The following NOS1AP variants were observed in gnomAD, a reference collection of about 807,000 sequenced individuals.
NOS1AP encodes the protein nitric oxide synthase 1 adaptor protein.
In NOS1AP, 21 loss-of-function variants were observed where a neutral mutation model predicts 56.2. The ratio of observed to expected loss-of-function variants is 0.37; its 90% CI spans 0.26 to 0.54. NOS1AP has a LOEUF of 0.54. NOS1AP is among the 20% of genes least tolerant of loss of function. The probability of loss-of-function intolerance (pLI) is 0.84; values close to 1 mark genes in which losing one functional copy is unlikely to be tolerated. For missense variants in NOS1AP, 522 were observed against 657.8 expected, an observed-to-expected ratio of 0.79 and a Z score of 2.26; for synonymous variants, 270 against 274.6, an observed-to-expected ratio of 0.98 and a Z score of 0.17.
chr1:162,207,586 T>G (rs564150090), intron 2 of NOS1AP, among the ~76,000 whole-genome samples: 2 of 152,376 alleles, frequency 1.3e-5, no homozygotes, highest in East Asian at 3.9e-4. Flanking sequence ...GCAAGTAAAG[T>G]TGTTAAGCAA....
At chr1:162,313,840 G>C (rs566700884) in intron 4 of NOS1AP, among the ~76,000 whole-genome samples, 1 of 152,268 alleles carries the variant, frequency 6.6e-6, no homozygotes, top group Admixed American at 6.5e-5. Flanking sequence ...TTTTACCTTT[G>C]TCCTTTCTGA....
Position 162,073,830 on chromosome 1 carries a change from G to A in NOS1AP, c.105+3548G>A, listed in dbSNP as rs540495648. Among the ~76,000 whole-genome samples, 43 of 152,274 alleles carry A rather than the reference G, an allele frequency of 2.8e-4. No homozygotes were observed. In the Middle Eastern group the frequency reaches 0.017, roughly 60 times the overall value. The stretch of plus-strand genomic sequence containing the variant: ...GAGCTGCTTGCCAGGGAAACCTGTT[G>A]TCTGTGTTCAGAGTGGGTACCTGGC... On this transcript the variant is annotated intron_variant, in intron 1 of 9. Transcript: ENST00000361897.
rs563181843 is a variant in NOS1AP, at chr1:162,288,985, G to A, written c.270+1549G>A. On this transcript the variant is annotated intron_variant, in intron 3 of 9. Coordinates refer to ENST00000361897, the MANE Select transcript of NOS1AP (RefSeq NM_014697.3). Reference sequence around the variant, plus strand: ...TTCCTGAGCAGGACATCAAGCTGAGGCCTGTCAAGCCCTGGGCCTGTTAAA... The same window carrying A: ...TTCCTGAGCAGGACATCAAGCTGAGACCTGTCAAGCCCTGGGCCTGTTAAA... Among the ~76,000 whole-genome samples, 14 of 152,252 alleles carry A rather than the reference G, an allele frequency of 9.2e-5. No homozygotes were observed. The South Asian group carries it at 2.9e-3, about 32-fold the overall frequency.
chr1:162,206,774 T>C (rs954783499), intron 2 of NOS1AP, among the ~76,000 whole-genome samples: 2 of 152,218 alleles, frequency 1.3e-5, no homozygotes, highest in African/African-American at 4.8e-5. Context: ...GAAGACCTTG[T>C]AGTGTGACCA....
At chr1:162,312,080 T>A (rs1157243468) in intron 4 of NOS1AP, among the ~76,000 whole-genome samples, 1 of 150,800 alleles carries the variant, frequency 6.6e-6, no homozygotes, top group East Asian at 2.0e-4. Context: ...TGATTTATAG[T>A]CCTTTGGGTA....
chr1:162,300,006 C>A (rs186613452), intron 3 of NOS1AP, among the ~76,000 whole-genome samples: 3,189 of 148,394 alleles, frequency 0.021, 115 homozygotes, highest in African/African-American at 0.072. Context: ...GCTTTCCCCC[C>A]TCTTGAGTCC....
intron 4 of NOS1AP, 88 bp from the exon 5 acceptor site, chr1:162,332,929 T>C (rs1293012229): frequency 2.1e-6 from 2 of 938,152 alleles, no homozygotes; most frequent in Non-Finnish European, 3.5e-6. Flanking sequence ...TGAGCTGTGC[T>C]TCAGAGTGTC....
At chr1:162,291,924 A>C (rs889536307) in intron 3 of NOS1AP, among the ~76,000 whole-genome samples, 18 of 152,230 alleles carry the variant, frequency 1.2e-4, no homozygotes, top group African/African-American at 4.3e-4. Flanking sequence ...ACCATTTGCT[A>C]GGGAGTGGAA....
intron 2 of NOS1AP, among the ~76,000 whole-genome samples, chr1:162,237,700 A>G (rs1653346303): frequency 6.6e-6 from 1 of 152,210 alleles, no homozygotes; most frequent in African/African-American, 2.4e-5. Flanking sequence ...AGAATATTCA[A>G]CTCAAGTGGA....
intron 4 of NOS1AP, among the ~76,000 whole-genome samples, chr1:162,324,510 CTG>C (rs1301682971): frequency 7.5e-6 from 1 of 132,904 alleles, no homozygotes; most frequent in Admixed American, 8.6e-5. Context: ...TTAGAAAGTG[CTG>C]TGTGGTGGTT....
At chr1:162,094,955 G>A (rs749958352) in intron 1 of NOS1AP, among the ~76,000 whole-genome samples, 5 of 152,316 alleles carry the variant, frequency 3.3e-5, no homozygotes, top group East Asian at 1.9e-4. Flanking sequence ...GGGGTGTAAC[G>A]GGTGGAGCAG....
chr1:162,352,390 G>T (rs1471601866), intron 6 of NOS1AP, among the ~76,000 whole-genome samples: 1 of 150,716 alleles, frequency 6.6e-6, no homozygotes, highest in Non-Finnish European at 1.5e-5. Flanking sequence ...CCCCTTAAGT[G>T]TTGGAATTTC....
At position 162,073,559 on chromosome 1, in the gene NOS1AP, C is replaced by T. The variant is rs147749882; in HGVS notation, c.105+3277C>T. On this transcript the variant is annotated intron_variant, in intron 1 of 9. Transcript: ENST00000361897. ...CATCACAACCTCCAACTCCCAGGTT[C>T]GAGTGATTCTCCTGCCTCAGCCTCC... Among the ~76,000 whole-genome samples the T allele has an allele frequency of 7.8e-3, 1,192 of 152,294 alleles. 16 individuals carry two copies. The highest frequency in any genetic ancestry group is 0.027 in the African/African-American group (1,136 of 41,556).
intron 5 of NOS1AP, among the ~76,000 whole-genome samples, chr1:162,334,858 C>T (rs1241284318): frequency 6.6e-6 from 1 of 152,138 alleles, no homozygotes; most frequent in Non-Finnish European, 1.5e-5. Context: ...AAATGACTTG[C>T]CTGAGTTCTC....
At chr1:162,337,558 C>G (rs1248728110) in intron 5 of NOS1AP, among the ~76,000 whole-genome samples, 2 of 152,194 alleles carry the variant, frequency 1.3e-5, no homozygotes, top group East Asian at 3.8e-4. Flanking sequence ...GTCTGAATCA[C>G]TCTCTTTGTG....
chr1:162,241,109 G>A (rs1653477140), intron 2 of NOS1AP, among the ~76,000 whole-genome samples: 1 of 152,148 alleles, frequency 6.6e-6, no homozygotes, highest in African/African-American at 2.4e-5. Flanking sequence ...GACCCTGATT[G>A]GAAAGGCACC....
intron 2 of NOS1AP, among the ~76,000 whole-genome samples, chr1:162,246,458 C>A (rs891497862): frequency 1.3e-5 from 2 of 152,170 alleles, no homozygotes; most frequent in African/African-American, 2.4e-5. Flanking sequence ...TCCTAAATGT[C>A]TTAGCTTGGT....
At chr1:162,072,059 C>CAGATAGATAGATAGATAGATAGAT (rs138572328) in intron 1 of NOS1AP, among the ~76,000 whole-genome samples, 2 of 141,588 alleles carry the variant, frequency 1.4e-5, no homozygotes, top group Non-Finnish European at 3.1e-5. Flanking sequence ...GACCCTGTCT[C>CAGATAGATAGATAGATAGATAGAT]AGATAGATAG....
intron 1 of NOS1AP, among the ~76,000 whole-genome samples, chr1:162,142,856 C>A (rs765965699): frequency 6.6e-6 from 1 of 151,952 alleles, no homozygotes; most frequent in Non-Finnish European, 1.5e-5. Flanking sequence ...GTTAGGACAG[C>A]GTGGAATATA....
Sources: gnomAD v4.1 joint callset for allele counts (sites outside exome capture counted in the v4.1 genomes callset) on GRCh38, gnomAD v4.1.1 for gene constraint, MANE v1.5 for transcripts, NCBI Gene and HGNC (gene_info 2026-07-23, HGNC 2026-07-21) for gene names.